The following SEMA3C variants were observed in gnomAD, a reference collection of about 807,000 sequenced individuals.
The protein encoded by SEMA3C is semaphorin-3C.
A neutral mutation model predicts 89.4 loss-of-function variants in SEMA3C; 47 were observed. The observed-to-expected ratio is 0.53, with a 90% CI of 0.42 to 0.67. SEMA3C has a LOEUF of 0.67. Ranked by LOEUF, SEMA3C falls within the 30% of genes least tolerant of loss-of-function variation. SEMA3C has a pLI of 0.00. For missense variants in SEMA3C, 839 were observed against 929.1 expected (o/e 0.90, Z 1.26); for synonymous variants, 310 against 320.2 (o/e 0.97, Z 0.34).
chr7:80,751,473 T>A lies in SEMA3C; in HGVS notation c.1644-137A>T, dbSNP rs536643096. On this transcript the variant is annotated intron_variant, in intron 15 of 17. Transcript: ENST00000265361. ...AAAATTTTTTAAAAAGAGTTCTGAT[T>A]GATGCAGCTATCTCACATTTCTTAT... The A allele has an allele frequency of 4.4e-6, 3 of 680,072 alleles. No individual in the cohort carries two copies. The South Asian group carries it at 5.3e-5, about 12-fold the overall frequency. The allele number at this position is 680,072 out of a possible 1,614,324, so 42.1% of individuals were successfully genotyped here.
chr7:80,883,906 C>A (rs997598989), intron 2 of SEMA3C, among the ~76,000 whole-genome samples: 3 of 152,170 alleles, frequency 2.0e-5, no homozygotes, highest in Non-Finnish European at 4.4e-5. Flanking sequence ...TTACTTCCCA[C>A]AAGAAATGTT....
chr7:80,810,717 A>T lies in SEMA3C; in HGVS notation c.448-16T>A. The stretch of plus-strand genomic sequence containing the variant: ...AAACTTGGTCCTTTATTGTAGATAA[A>T]ATTTAAAATGTGGCAATGATAACTT... On this transcript the variant is annotated splice_polypyrimidine_tract_variant and intron_variant, in intron 5 of 17. Transcript: ENST00000265361. 6.3e-7 allele frequency: 1 copy of T among 1,588,460 alleles called. No individual in the cohort carries two copies. The highest frequency in any genetic ancestry group is 8.6e-7 in the Non-Finnish European group (1 of 1,157,660).
chr7:80,784,460 AT>A (rs151042245), intron 12 of SEMA3C, among the ~76,000 whole-genome samples: 3 of 151,134 alleles, frequency 2.0e-5, no homozygotes, highest in South Asian at 2.1e-4. Context: ...AAGTAGCAGC[AT>A]TTTTTTTTAC....
chr7:80,819,209 C>T (rs1015773967), intron 4 of SEMA3C, among the ~76,000 whole-genome samples: 4 of 135,756 alleles, frequency 2.9e-5, no homozygotes, highest in South Asian at 2.2e-4. Context: ...TGTTAAAAGA[C>T]GTGTTTCCAG....
chr7:80,866,796 CA>C (rs554841720), intron 2 of SEMA3C, among the ~76,000 whole-genome samples: 69 of 152,250 alleles, frequency 4.5e-4, no homozygotes, highest in African/African-American at 1.5e-3. Context: ...CAGGCACTGC[CA>C]TTTTGCCATA....
At chr7:80,792,576 T>C (rs954172023) in intron 11 of SEMA3C, among the ~76,000 whole-genome samples, 1 of 152,182 alleles carries the variant, frequency 6.6e-6, no homozygotes, top group Non-Finnish European at 1.5e-5. Context: ...TAATGGTAAA[T>C]GAAATCCAGG....
intron 2 of SEMA3C, among the ~76,000 whole-genome samples, chr7:80,859,804 G>A (rs1183728721): frequency 6.6e-6 from 1 of 152,086 alleles, no homozygotes; most frequent in African/African-American, 2.4e-5. Context: ...CTCAGTGGCT[G>A]GCTGGCTGGC....
chr7:80,772,546 C>T (rs985768295), intron 12 of SEMA3C, among the ~76,000 whole-genome samples: 14 of 152,090 alleles, frequency 9.2e-5, no homozygotes, highest in African/African-American at 2.9e-4. Context: ...AGTTGGTCAT[C>T]GAGGGCATCT....
At chr7:80,886,616 T>C (rs2116127411) in intron 2 of SEMA3C, among the ~76,000 whole-genome samples, 1 of 152,278 alleles carries the variant, frequency 6.6e-6, no homozygotes, top group South Asian at 2.1e-4. Flanking sequence ...CCTCCCAAAG[T>C]GCTGGGATTA....
intron 2 of SEMA3C, among the ~76,000 whole-genome samples, chr7:80,864,010 T>G (rs899398781): frequency 4.6e-4 from 70 of 151,546 alleles, no homozygotes; most frequent in Non-Finnish European, 2.9e-5. Flanking sequence ...ATATATCGCA[T>G]GTATATCACA....
chr7:80,898,981 T>C (rs1024779439), intron 2 of SEMA3C, among the ~76,000 whole-genome samples: 1 of 152,156 alleles, frequency 6.6e-6, no homozygotes. Context: ...TGGATAAAAA[T>C]GAAGTAATGC....
At chr7:80,767,070 C>T (rs569063543) in intron 12 of SEMA3C, among the ~76,000 whole-genome samples, 1 of 152,190 alleles carries the variant, frequency 6.6e-6, no homozygotes, top group Non-Finnish European at 1.5e-5. Flanking sequence ...TCTCTCAAGT[C>T]GCACAACTGT....
chr7:80,909,322 G>T (rs1792090555), intron 2 of SEMA3C, among the ~76,000 whole-genome samples: 1 of 152,066 alleles, frequency 6.6e-6, no homozygotes, highest in Non-Finnish European at 1.5e-5. Context: ...AAATTACATT[G>T]CTGTAACTCC....
chr7:80,777,913 AC>A (rs1788588016), intron 12 of SEMA3C, among the ~76,000 whole-genome samples: 1 of 152,244 alleles, frequency 6.6e-6, no homozygotes, highest in Non-Finnish European at 1.5e-5. Flanking sequence ...TCAGAAAACA[AC>A]AAAATGTTCC....
At chr7:80,853,494 G>C (rs1790564725) in intron 2 of SEMA3C, among the ~76,000 whole-genome samples, 1 of 152,156 alleles carries the variant, frequency 6.6e-6, no homozygotes. Flanking sequence ...AAGATATTAT[G>C]TCAACTTAAA....
intron 2 of SEMA3C, among the ~76,000 whole-genome samples, chr7:80,857,362 G>GT (rs1790666229): frequency 6.6e-6 from 1 of 152,006 alleles, no homozygotes; most frequent in Non-Finnish European, 1.5e-5. Context: ...TTAATACTGT[G>GT]TAAGAATTTA....
chr7:80,751,389 A>T lies in SEMA3C; in HGVS notation c.1644-53T>A, dbSNP rs1414911810. 2.0e-6 allele frequency: 3 copies of T among 1,475,016 alleles called. No homozygotes were observed. The East Asian group carries it at 6.8e-5, about 33-fold the overall frequency. The allele number at this position is 1,475,016 out of a possible 1,614,324, so 91.4% of individuals were successfully genotyped here. ...ACTGAGAATTATCACTGCCAATTAC[A>T]CCACTCTTAAAACACTGTAATTTTA... On this transcript the variant is annotated intron_variant, in intron 15 of 17. Transcript: ENST00000265361.
At chr7:80,897,068 C>T (rs1447883047) in intron 2 of SEMA3C, among the ~76,000 whole-genome samples, 1 of 152,144 alleles carries the variant, frequency 6.6e-6, no homozygotes, top group South Asian at 2.1e-4. Flanking sequence ...ACTTGCATGG[C>T]CTGACTCAAC....
intron 2 of SEMA3C, among the ~76,000 whole-genome samples, chr7:80,901,464 A>G (rs1791878553): frequency 2.6e-5 from 4 of 152,248 alleles, no homozygotes; most frequent in African/African-American, 4.8e-5. Context: ...ACCTGCAACT[A>G]TATCCTAAGC....
Sources: allele counts gnomAD v4.1 joint callset (sites outside exome capture counted in the v4.1 genomes callset), GRCh38; gene constraint gnomAD v4.1.1; transcripts MANE v1.5; gene names NCBI Gene and HGNC (gene_info 2026-07-23, HGNC 2026-07-21).